The following MAML3 variants were observed in gnomAD, a reference collection of about 807,000 sequenced individuals.
The protein encoded by MAML3 is mastermind like transcriptional coactivator 3, also known as mastermind-like protein 3.
Under a neutral mutation model 101.9 loss-of-function variants are expected in MAML3, and 27 were observed. The ratio of observed to expected loss-of-function variants is 0.27; its 90% confidence interval spans 0.20 to 0.37. The LOEUF (loss-of-function observed/expected upper bound fraction) is 0.37, where lower values mean the gene tolerates loss of function less well. MAML3 is among the 10% of genes least tolerant of loss of function. The pLI is 1.00. For synonymous variants in MAML3, 501 were observed against 555.9 expected (o/e 0.90, Z 1.39); for missense variants, 1,316 against 1,444.9 (o/e 0.91, Z 1.45).
chr4:139,902,640 T>C (rs1732749462), intron 1 of MAML3, among the ~76,000 whole-genome samples: 1 of 152,194 alleles, frequency 6.6e-6, no homozygotes, highest in Non-Finnish European at 1.5e-5. Flanking sequence ...ACACCACACA[T>C]TCAGCCCGTA....
chr4:140,142,881 C>T (rs891515039), intron 1 of MAML3, among the ~76,000 whole-genome samples: 1 of 152,150 alleles, frequency 6.6e-6, no homozygotes, highest in African/African-American at 2.4e-5. Context: ...CATGATGCTA[C>T]AAGGGTCACC....
intron 1 of MAML3, among the ~76,000 whole-genome samples, chr4:140,008,255 G>A (rs904518381): frequency 2.6e-5 from 4 of 152,208 alleles, no homozygotes; most frequent in Non-Finnish European, 4.4e-5. Flanking sequence ...GCTGAGGCAG[G>A]AGAATCGCTT....
Position 139,992,007 on chromosome 4 carries a change from A to T in MAML3, c.469-101040T>A, listed in dbSNP as rs114497781. On this transcript the variant is annotated intron_variant, in intron 1 of 4. Coordinates refer to ENST00000509479, the MANE Select transcript of MAML3 (RefSeq NM_018717.5). ...ATGTCTCATCATGCCTGTTAGGGTC[A>T]ATTTCCACTCCCACAACCAATACAA... is the stretch of plus-strand genomic sequence containing the variant. Among the ~76,000 whole-genome samples, 723 of 152,314 alleles carry T rather than the reference A, an allele frequency of 4.7e-3. 6 individuals are homozygous for T. The highest frequency in any genetic ancestry group is 0.016 in the African/African-American group (677 of 41,568).
rs1296698456 is a variant in MAML3, at chr4:139,762,714, A to G, written c.2080-32047T>C. 2.0e-5 allele frequency among the ~76,000 whole-genome samples: 3 copies of G among 152,314 alleles called. No individual in the cohort carries two copies. The East Asian group carries it at 5.8e-4, about 29-fold the overall frequency. ...CACATGAGGCTCCATCGCTACACTCATGGCCAAAACTTTAACCCCCGTGAA... is the reference window on the plus strand; with the variant it reads ...CACATGAGGCTCCATCGCTACACTCGTGGCCAAAACTTTAACCCCCGTGAA... On this transcript the variant is annotated intron_variant, in intron 2 of 4. Coordinates refer to ENST00000509479, the MANE Select transcript of MAML3 (RefSeq NM_018717.5).
chr4:140,137,046 T>G (rs1285885465), intron 1 of MAML3, among the ~76,000 whole-genome samples: 1 of 152,282 alleles, frequency 6.6e-6, no homozygotes, highest in East Asian at 1.9e-4. Context: ...TGGACTGCAG[T>G]GGCGCTATCT....
At chr4:139,871,363 C>T (rs1732003524) in intron 2 of MAML3, among the ~76,000 whole-genome samples, 1 of 152,126 alleles carries the variant, frequency 6.6e-6, no homozygotes, top group Non-Finnish European at 1.5e-5. Context: ...GAACCAATGG[C>T]CATCCTCAGT....
At chr4:139,783,086 G>A (rs1477508144) in intron 2 of MAML3, among the ~76,000 whole-genome samples, 6 of 152,128 alleles carry the variant, frequency 3.9e-5, no homozygotes, top group African/African-American at 1.4e-4. Context: ...CATTTTGAAT[G>A]AAGGGGAAAA....
At chr4:139,794,614 AAATTT>A (rs1730479981) in intron 2 of MAML3, among the ~76,000 whole-genome samples, 1 of 152,236 alleles carries the variant, frequency 6.6e-6, no homozygotes, top group African/African-American at 2.4e-5. Flanking sequence ...GGCAGCCTGC[AAATTT>A]GGGCTTTTAC....
At chr4:139,894,199 C>T (rs1732559212) in intron 1 of MAML3, among the ~76,000 whole-genome samples, 1 of 152,040 alleles carries the variant, frequency 6.6e-6, no homozygotes. Context: ...GGTGCTTTTT[C>T]ATAAGTAGAT....
At chr4:139,896,649 T>TGA (rs147800631) in intron 1 of MAML3, among the ~76,000 whole-genome samples, 92,767 of 147,006 alleles carry the variant, frequency 0.63, 34,783 homozygotes, top group Non-Finnish European at 0.84. Context: ...GGTGTGTGTG[T>TGA]GTGAGAGAGA....
intron 1 of MAML3, among the ~76,000 whole-genome samples, chr4:140,001,037 G>GAA (rs1190639876): frequency 3.3e-5 from 5 of 151,022 alleles, no homozygotes; most frequent in African/African-American, 1.2e-4. Flanking sequence ...TCAAAAAAAA[G>GAA]AAAAAAAAGA....
chr4:139,780,623 CTTTTTTT>C lies in MAML3; in HGVS notation c.2080-49963_2080-49957del, dbSNP rs35929438. ...GGTCGCCCATTTCTTTCTTTCTTTT[CTTTTTTT>C]TTTTTTTTTTTGGAGACAGAGTCTC... On this transcript the variant is annotated intron_variant, in intron 2 of 4. Transcript: ENST00000509479. Among the ~76,000 whole-genome samples, 537 of 136,948 alleles carry C rather than the reference CTTTTTTT, an allele frequency of 3.9e-3. 3 individuals carry two copies. The highest frequency in any genetic ancestry group is 4.4e-3 in the African/African-American group (162 of 36,840). The allele number at this position is 136,948 out of a possible 152,430, so 89.8% of individuals were successfully genotyped here.
At chr4:139,744,671 T>C (rs1048045941) in intron 2 of MAML3, among the ~76,000 whole-genome samples, 1 of 152,200 alleles carries the variant, frequency 6.6e-6, no homozygotes, top group Admixed American at 6.5e-5. Context: ...GCAGGGGCTA[T>C]GGTGGGACTC....
intron 2 of MAML3, among the ~76,000 whole-genome samples, chr4:139,769,728 G>A (rs1729937428): frequency 6.6e-6 from 1 of 151,680 alleles, no homozygotes. Flanking sequence ...CCATTCTCCT[G>A]CCTCAGCCTT....
At chr4:139,915,408 C>T (rs571534690) in intron 1 of MAML3, among the ~76,000 whole-genome samples, 1 of 152,296 alleles carries the variant, frequency 6.6e-6, no homozygotes, top group African/African-American at 2.4e-5. Context: ...CTCTATCTAA[C>T]GACTCAGAAT....
chr4:139,812,313 A>C (rs1430361481), intron 2 of MAML3, among the ~76,000 whole-genome samples: 1 of 152,232 alleles, frequency 6.6e-6, no homozygotes, highest in Non-Finnish European at 1.5e-5. Context: ...ATGAAGGTGC[A>C]CATGGGGCTA....
chr4:140,072,758 TG>T lies in MAML3; in HGVS notation c.468+80101del, dbSNP rs1457128689. On this transcript the variant is annotated intron_variant, in intron 1 of 4. Coordinates refer to ENST00000509479, the MANE Select transcript of MAML3 (RefSeq NM_018717.5). ...TGTATATCAGGGACTTTAGCATCCC[TG>T]GATTTGGGTGTCTGTCAGGGGGTCC... is the stretch of plus-strand genomic sequence containing the variant. Among the ~76,000 whole-genome samples, 3 of 151,948 alleles carry T rather than the reference TG, an allele frequency of 2.0e-5. No homozygotes were observed. In the East Asian group the frequency reaches 5.8e-4, roughly 29 times the overall value.
intron 1 of MAML3, among the ~76,000 whole-genome samples, chr4:140,114,251 A>C (rs968137637): frequency 6.6e-6 from 1 of 152,198 alleles, no homozygotes; most frequent in Non-Finnish European, 1.5e-5. Context: ...AGCTCTTATC[A>C]CATCACGCTG....
intron 2 of MAML3, among the ~76,000 whole-genome samples, chr4:139,872,095 C>G (rs1732020319): frequency 6.6e-6 from 1 of 152,168 alleles, no homozygotes; most frequent in South Asian, 2.1e-4. Flanking sequence ...CAAAAGATGG[C>G]TAGCTTTCTC....
Sources: allele counts gnomAD v4.1 joint callset (sites outside exome capture counted in the v4.1 genomes callset), GRCh38; gene constraint gnomAD v4.1.1; transcripts MANE v1.5; gene names NCBI Gene and HGNC (gene_info 2026-07-23, HGNC 2026-07-21).